Variants in EARS2 observed in about 807,000 individuals in gnomAD.
EARS2 encodes glutamyl-tRNA synthetase 2, mitochondrial.
Under a neutral mutation model 54.1 loss-of-function variants are expected in EARS2, and 50 were observed. That is an observed-to-expected ratio of 0.92 (90% CI 0.74 to 1.17). The LOEUF is 1.17. Ranked by LOEUF, EARS2 falls within the 50% of genes most tolerant of loss-of-function variation. The probability of loss-of-function intolerance (pLI) is 0.00; values close to 1 mark genes in which losing one functional copy is unlikely to be tolerated. For missense variants in EARS2, 673 were observed against 675.0 expected (o/e 1.00, Z 0.03); for synonymous variants, 298 against 281.0 (o/e 1.06, Z -0.61).
intron 7 of EARS2, 61 bp from the exon 8 acceptor site, chr16:23,525,440 A>G: frequency 1.3e-6 from 2 of 1,545,634 alleles, no homozygotes; most frequent in Non-Finnish European, 1.8e-6. Context: ...GGTGGGAGGA[A>G]GGGCTTCAGA....
At chr16:23,544,477 T>A in intron 3 of EARS2, 37 bp downstream of exon 3, 2 of 1,594,678 alleles carry the variant, frequency 1.3e-6, no homozygotes, top group East Asian at 4.5e-5. Context: ...ACACACCCAA[T>A]GTTGATGAGG....
At position 23,524,331 on chromosome 16, in the gene EARS2, G is replaced by T. The variant is rs1159495821; in HGVS notation, c.*40C>A. ...TCTGAAAGCTGTTTCTAAGCTCACA[G>T]GTTCTTAGGGCGATCTCCACTGCCC... On this transcript the variant is annotated 3_prime_UTR_variant, in exon 9 of 9. Transcript: ENST00000449606. 1 of 1,572,006 alleles carries T rather than the reference G, an allele frequency of 6.4e-7. No homozygotes were observed. Among genetic ancestry groups the T allele is most frequent in the South Asian group, 1.1e-5 (1 of 90,246 alleles).
intron 3 of EARS2, among the ~76,000 whole-genome samples, chr16:23,541,572 T>C (rs756937265): frequency 5.3e-5 from 8 of 152,316 alleles, no homozygotes; most frequent in East Asian, 1.9e-4. Flanking sequence ...CTTATAGGTA[T>C]ATGTACTGAA....
chr16:23,556,809 T>A, intron 1 of EARS2: 2 of 459,414 alleles, frequency 4.4e-6, no homozygotes, highest in East Asian at 1.3e-4. Flanking sequence ...ATGGCACATG[T>A]GACTCTAAAA....
intron 3 of EARS2, among the ~76,000 whole-genome samples, chr16:23,543,557 C>CA (rs1965551831): frequency 6.6e-6 from 1 of 151,666 alleles, no homozygotes; most frequent in African/African-American, 2.4e-5. Flanking sequence ...AACACAGTGA[C>CA]ACCCGTCTCT....
At position 23,538,204 on chromosome 16, in the gene EARS2, C is replaced by A. The variant is rs557541788; in HGVS notation, c.486-2844G>T. Among the ~76,000 whole-genome samples, 7 of 152,212 alleles carry A rather than the reference C, an allele frequency of 4.6e-5. No individual in the cohort carries two copies. In the East Asian group the frequency reaches 1.2e-3, roughly 25 times the overall value. On this transcript the variant is annotated intron_variant, in intron 3 of 8. Coordinates refer to ENST00000449606, the MANE Select transcript of EARS2 (RefSeq NM_001083614.2). ...TTTTTTGTTTTGAGATGGAGTCTCG[C>A]TCTGTCACCCAGGCTGGAGTGCAGC... is the stretch of plus-strand genomic sequence containing the variant.
intron 7 of EARS2, among the ~76,000 whole-genome samples, chr16:23,525,951 T>C (rs1318228942): frequency 6.7e-6 from 1 of 149,786 alleles, no homozygotes; most frequent in Non-Finnish European, 1.5e-5. Context: ...TGAGCCGAGA[T>C]TGCACCATTG....
rs566438118 is a variant in EARS2 at position 23,534,967 on chromosome 16, G to C, written c.879C>G (p.Phe293Leu). The change falls in exon 4 of 9, where the codon TTC becomes TTG. Residue 293 changes from phenylalanine to leucine, a missense_variant. This residue lies in a region of EARS2 where 338 missense variants were observed against 361.2 expected (regional missense o/e 0.94). Coordinates refer to ENST00000449606, the MANE Select transcript of EARS2 (RefSeq NM_001083614.2). ...SKLSKRQGDV[F>L]LEHFAADGFL... ...AGCCATCAGCAGCAAAGTGCTCCAG[G>C]AAAACGTCCCCTTGCCTCTTGGAGA... 2.4e-5 allele frequency: 38 copies of C among 1,611,694 alleles called. No individual in the cohort carries two copies. In the South Asian group the frequency reaches 3.7e-4, roughly 16 times the overall value.
At chr16:23,539,871 C>T (rs768644387) in intron 3 of EARS2, among the ~76,000 whole-genome samples, 1 of 151,980 alleles carries the variant, frequency 6.6e-6, no homozygotes, top group Middle Eastern at 3.2e-3. Flanking sequence ...GTGTGCCAGC[C>T]GGGCATGATG....
rs1279993753 is a variant in EARS2, at chr16:23,529,781, T to A, written c.1184A>T (p.Asn395Ile). 2.5e-6 allele frequency: 4 copies of A among 1,614,042 alleles called. No homozygotes were observed. Among genetic ancestry groups the A allele is most frequent in the Non-Finnish European group, 3.4e-6 (4 of 1,180,022 alleles). Reference protein sequence around the residue: ...GCQLQNRDVLNPVYVERILLL... With the variant: ...GCQLQNRDVLIPVYVERILLL... ...GAGGATCCTCTCCACGTAGACTGGG[T>A]TGAGGACATCCCTGTTTTGCAGCTG... The change falls in exon 6 of 9, where the codon AAC becomes ATC. Residue 395 changes from asparagine (N) to isoleucine (I), a missense_variant. This residue lies in a region of EARS2 where 338 missense variants were observed against 361.2 expected (regional missense o/e 0.94). Transcript: ENST00000449606.
chr16:23,556,971 A>T (rs1327747319), intron 1 of EARS2: 1 of 716,728 alleles, frequency 1.4e-6, no homozygotes. Context: ...GGAATGCATG[A>T]AAAAAAGATC....
intron 2 of EARS2, 40 bp from the exon 3 acceptor site, chr16:23,544,743 C>T (rs749172615): frequency 7.9e-5 from 120 of 1,527,268 alleles, no homozygotes; most frequent in Admixed American, 6.4e-4. Flanking sequence ...GTGCACACAG[C>T]GCTCGTTCTC....
chr16:23,544,847 C>T, intron 2 of EARS2, 144 bp from the exon 3 acceptor site: 1 of 738,386 alleles, frequency 1.4e-6, no homozygotes, highest in Non-Finnish European at 2.1e-6. Flanking sequence ...TCCCCGCCGC[C>T]TTTTTTTTTG....
chr16:23,537,722 A>T (rs1189871940), intron 3 of EARS2, among the ~76,000 whole-genome samples: 1 of 151,764 alleles, frequency 6.6e-6, no homozygotes, highest in Non-Finnish European at 1.5e-5. Flanking sequence ...ACAGGTATGC[A>T]CGACTATACC....
intron 1 of EARS2, among the ~76,000 whole-genome samples, chr16:23,553,871 G>C (rs1347026629): frequency 5.3e-5 from 8 of 151,286 alleles, no homozygotes; most frequent in Non-Finnish European, 1.2e-4. Flanking sequence ...ACTCCAGCCT[G>C]GGCGACAGGG....
intron 2 of EARS2, 66 bp downstream of exon 2, chr16:23,552,083 C>T: frequency 1.3e-6 from 2 of 1,569,062 alleles, no homozygotes; most frequent in Non-Finnish European, 1.7e-6. Context: ...ATGAGAAGAC[C>T]CACAGGCTCC....
At position 23,529,503 on chromosome 16, in the gene EARS2, C is replaced by A. The variant is rs767133394; in HGVS notation, c.1351G>T (p.Gly451Trp). The A allele has an allele frequency of 1.9e-6, 3 of 1,613,522 alleles. No homozygotes were observed. The highest frequency in any genetic ancestry group is 3.3e-5 in the Admixed American group (2 of 59,962). ...KVDVIAKRVL[G>W]LLERSSMSLT... ...TGAGCTCAGCCTGCGGGTACTCACC[C>A]CAGCACACGCTTGGCAATCACATCC... The change falls in exon 7 of 9, where the codon GGG (glycine) becomes TGG (tryptophan). Residue 451 changes from glycine to tryptophan, a missense_variant and splice_region_variant. Gly to Trp is a radical substitution (Grantham distance 184). This residue lies in a region of EARS2 where 338 missense variants were observed against 361.2 expected (regional missense o/e 0.94). Transcript: ENST00000449606.
At chr16:23,541,860 ATT>A (rs552062498) in intron 3 of EARS2, among the ~76,000 whole-genome samples, 18 of 140,546 alleles carry the variant, frequency 1.3e-4, no homozygotes, top group Non-Finnish European at 9.4e-5. Flanking sequence ...AGCTCAGCTA[ATT>A]TTTTTTTTTT....
intron 3 of EARS2, among the ~76,000 whole-genome samples, chr16:23,538,409 G>A (rs532393273): frequency 1.9e-4 from 29 of 152,290 alleles, no homozygotes; most frequent in Admixed American, 3.9e-4. Flanking sequence ...AAAGTGCTGG[G>A]ATTACAGGCG....
Sources: allele counts gnomAD v4.1 joint callset (sites outside exome capture counted in the v4.1 genomes callset), GRCh38; gene constraint gnomAD v4.1.1; regional missense constraint gnomAD v4.1.1; transcripts MANE v1.5; gene names NCBI Gene and HGNC (gene_info 2026-07-23, HGNC 2026-07-21).